The following SDK2 variants were observed in gnomAD, a reference collection of about 807,000 sequenced individuals.
The protein encoded by SDK2 is sidekick cell adhesion molecule 2, also known as protein sidekick-2.
Under a neutral mutation model 253.9 loss-of-function variants are expected in SDK2, and 105 were observed. The ratio of observed to expected loss-of-function variants is 0.41; its 90% CI spans 0.35 to 0.49. The LOEUF is 0.49. Among genes scored for constraint, SDK2 ranks in the 20% least tolerant of loss-of-function variants. The pLI, the probability that SDK2 is intolerant of heterozygous loss-of-function variation, is 0.06. For missense variants in SDK2, 2,608 were observed against 3,003.0 expected (o/e 0.87, Z 3.07); for synonymous variants, 1,249 against 1,234.9 (o/e 1.01, Z -0.24).
chr17:73,390,313 G>C lies in SDK2; in HGVS notation c.4166C>G (p.Ala1389Gly), dbSNP rs921787451. 6.5e-7 allele frequency: 1 copy of C among 1,527,048 alleles called. No homozygotes were observed. The highest frequency in any genetic ancestry group is 1.6e-5 in the African/African-American group (1 of 63,126). 94.6% of individuals were successfully genotyped at this position (1,527,048 alleles called of 1,614,324 possible). A position where few individuals can be genotyped will look rare whatever the true frequency, so the allele number is the denominator to read the frequency against. The change falls in exon 29 of 45, where the codon GCC (alanine) becomes GGC (glycine). Residue 1389 changes from alanine to glycine, a missense_variant. Physicochemically the swap from Ala to Gly is moderately conservative, Grantham distance 60. This residue lies in a region of SDK2 where 1,103 missense variants were observed against 1,143.9 expected (regional missense o/e 0.96). Transcript: ENST00000392650. Reference protein sequence around the residue: ...TRKGWGEAAEALVVTTEKRDR... With the variant: ...TRKGWGEAAEGLVVTTEKRDR... ...TCTCTTCTCGGTGGTCACCACCAAGGCCTCGGCAGCTTCTCCCCAGCCCTT... is the reference window on the plus strand; with the variant it reads ...TCTCTTCTCGGTGGTCACCACCAAGCCCTCGGCAGCTTCTCCCCAGCCCTT...
chr17:73,595,201 TGAGGAG>T (rs72207708), intron 1 of SDK2, among the ~76,000 whole-genome samples: 22 of 149,920 alleles, frequency 1.5e-4, no homozygotes, highest in Non-Finnish European at 2.5e-4. Flanking sequence ...TGGGTGAAGG[TGAGGAG>T]GAGGAGGAGG....
chr17:73,391,547 G>T lies in SDK2; in HGVS notation c.3899-9C>A. The T allele has an allele frequency of 2.3e-6, 3 of 1,283,916 alleles. No individual in the cohort carries two copies. The highest frequency in any genetic ancestry group is 3.0e-6 in the Non-Finnish European group (3 of 1,006,004). The allele number at this position is 1,283,916 out of a possible 1,614,324, so 79.5% of individuals were successfully genotyped here. ...CATGGGTGGTCCTGGGACTGGAGGG[G>T]GCAAAGGAGAGGAGGCCGACCCATG... On this transcript the variant is annotated splice_polypyrimidine_tract_variant and intron_variant, in intron 27 of 44. Transcript: ENST00000392650.
chr17:73,617,104 A>T (rs80113661), intron 1 of SDK2, among the ~76,000 whole-genome samples: 3,117 of 151,892 alleles, frequency 0.021, 111 homozygotes, highest in African/African-American at 0.072. Flanking sequence ...TGAGCAAAGA[A>T]GGTGAAGGGC....
intron 3 of SDK2, among the ~76,000 whole-genome samples, chr17:73,469,869 C>G (rs1421603606): frequency 1.3e-5 from 2 of 152,138 alleles, no homozygotes; most frequent in African/African-American, 4.8e-5. Context: ...ATCTCAGGGG[C>G]TCTCAACTCC....
In SDK2 at chr17:73,455,869, C is replaced by T. The variant is rs1300569561; in HGVS notation, c.479+37G>A. ...GCCCCAAACCTCCTCCCCCAGACAC[C>T]CCTCCCCTCCCCGTCCCCTCAGAGC... On this transcript the variant is annotated intron_variant, in intron 4 of 44. Transcript: ENST00000392650. The surrounding 1 kb of genome is among the most constrained non-coding windows in gnomAD (Gnocchi z 5.0). The T allele has an allele frequency of 1.3e-6, 2 of 1,512,460 alleles. No homozygotes were observed. Among genetic ancestry groups the T allele is most frequent in the African/African-American group, 1.4e-5 (1 of 72,250 alleles). 93.7% of individuals were successfully genotyped at this position (1,512,460 alleles called of 1,614,324 possible).
chr17:73,584,089 G>C (rs1199268950), intron 1 of SDK2, among the ~76,000 whole-genome samples: 3 of 152,230 alleles, frequency 2.0e-5, no homozygotes, highest in Non-Finnish European at 4.4e-5. Flanking sequence ...CGGACGGAGA[G>C]GGGAGAGCAT....
rs893940805 is a variant in SDK2 at position 73,414,767 on chromosome 17, A to T, written c.2369-8T>A. On this transcript the variant is annotated splice_region_variant and splice_polypyrimidine_tract_variant and intron_variant, in intron 17 of 44. Transcript: ENST00000392650. ...CCGGAGGGACCGTGGGAACTAGAGG[A>T]GATGAGAGAACGGGGTGGGGTGGAG... is the stretch of plus-strand genomic sequence containing the variant. The T allele has an allele frequency of 3.1e-6, 5 of 1,595,396 alleles. No homozygotes were observed. Among genetic ancestry groups the T allele is most frequent in the Admixed American group, 1.7e-5 (1 of 59,936 alleles).
At chr17:73,412,641 C>T (rs905059153) in intron 18 of SDK2, among the ~76,000 whole-genome samples, 7 of 152,038 alleles carry the variant, frequency 4.6e-5, no homozygotes, top group Admixed American at 1.3e-4. Flanking sequence ...TTAGGCCAGG[C>T]GCGGTGGCTC....
chr17:73,512,740 C>A (rs776874814), intron 1 of SDK2, among the ~76,000 whole-genome samples: 3 of 152,164 alleles, frequency 2.0e-5, no homozygotes, highest in South Asian at 2.1e-4. Flanking sequence ...GAAAACAGTG[C>A]CTTCTTGTAA....
At chr17:73,444,039 G>A (rs1451085137) in intron 5 of SDK2, among the ~76,000 whole-genome samples, 6 of 152,178 alleles carry the variant, frequency 3.9e-5, no homozygotes, top group Non-Finnish European at 7.4e-5. Flanking sequence ...CGGGAAGGGG[G>A]CAGCTAAGCT....
chr17:73,494,132 G>A (rs2063825661), intron 2 of SDK2, among the ~76,000 whole-genome samples: 1 of 152,202 alleles, frequency 6.6e-6, no homozygotes, highest in South Asian at 2.1e-4. Flanking sequence ...ATTGATGTTG[G>A]CACCTTTGCC....
In SDK2 at chr17:73,496,296, C is replaced by T. The variant is rs1011979444; in HGVS notation, c.224+11142G>A. ...ATTCCCATTTCCCAGACTAGGCAACCGAGGCAGGGATTAGGCAGTTTGCTC... is the reference window on the plus strand; with the variant it reads ...ATTCCCATTTCCCAGACTAGGCAACTGAGGCAGGGATTAGGCAGTTTGCTC... On this transcript the variant is annotated intron_variant, in intron 2 of 44. Transcript: ENST00000392650. The surrounding 1 kb of genome is among the most constrained non-coding windows in gnomAD (Gnocchi z 4.7). Among the ~76,000 whole-genome samples the T allele has an allele frequency of 2.6e-5, 4 of 152,138 alleles. No individual in the cohort carries two copies. The highest frequency in any genetic ancestry group is 4.4e-5 in the Non-Finnish European group (3 of 68,040).
In SDK2 at chr17:73,644,041, G is replaced by T; in HGVS notation, c.48C>A (p.Arg16=). 6.5e-7 allele frequency: 1 copy of T among 1,527,474 alleles called. No homozygotes were observed. The highest frequency in any genetic ancestry group is 1.8e-4 in the Middle Eastern group (1 of 5,700). 94.6% of individuals were successfully genotyped at this position (1,527,474 alleles called of 1,614,324 possible). A position where few individuals can be genotyped will look rare whatever the true frequency, so the allele number is the denominator to read the frequency against. The change falls in exon 1 of 45, where the codon CGC becomes CGA. Residue 16 remains arginine, a synonymous_variant. Transcript: ENST00000392650. This position sits in a 1 kb window ranked among gnomAD's most constrained non-coding sequence, Gnocchi z 6.3. ...IWTLLALHQI[R]AARAQDDVSP... ...CCTCCTTACCTTGGGCTCTGGCCGC[G>T]CGGATCTGATGCAGAGCTAGCAGTG...
rs541528366 is a variant in SDK2 at position 73,350,242 on chromosome 17, G to A, written c.6033C>T (p.Tyr2011=). Residue 2011 remains tyrosine (Y), a synonymous_variant, in exon 43 of 45, where the codon TAC becomes TAT. Transcript: ENST00000392650. The part of the protein sequence containing the change: ...KNSFCRKNGL[Y]TRSPPRPSPG... ...CCACGCAGAGGGCCCAGTACCTGGT[G>A]TACAGGCCGTTCTTTCGGCAGAAAG... 21 of 945,940 alleles carry A rather than the reference G, an allele frequency of 2.2e-5. No individual in the cohort carries two copies. In the East Asian group the frequency reaches 7.2e-4, roughly 32 times the overall value. 58.6% of individuals were successfully genotyped at this position (945,940 alleles called of 1,614,324 possible). A position where few individuals can be genotyped will look rare whatever the true frequency, so the allele number is the denominator to read the frequency against.
chr17:73,415,322 G>A (rs1039798178), intron 17 of SDK2, among the ~76,000 whole-genome samples: 2 of 151,754 alleles, frequency 1.3e-5, no homozygotes, highest in African/African-American at 4.8e-5. Flanking sequence ...GCTCCTCTGA[G>A]GCCATAGTCT....
At chr17:73,347,747 G>GT (rs546237148) in intron 44 of SDK2, among the ~76,000 whole-genome samples, 31 of 150,442 alleles carry the variant, frequency 2.1e-4, no homozygotes, top group Non-Finnish European at 3.5e-4. Flanking sequence ...GTGGGAAGCT[G>GT]TAAGGCTGCA....
At chr17:73,479,687 T>G (rs1298127436) in intron 2 of SDK2, among the ~76,000 whole-genome samples, 2 of 152,226 alleles carry the variant, frequency 1.3e-5, no homozygotes, top group African/African-American at 4.8e-5. Flanking sequence ...TTTTTAAGTC[T>G]TATTTTTATT....
At chr17:73,382,083 G>A (rs2062836020) in intron 33 of SDK2, among the ~76,000 whole-genome samples, 1 of 152,138 alleles carries the variant, frequency 6.6e-6, no homozygotes, top group South Asian at 2.1e-4. Flanking sequence ...GGGCGTGGTA[G>A]TGTGCGCCGT....
At chr17:73,610,079 C>T (rs1003050675) in intron 1 of SDK2, among the ~76,000 whole-genome samples, 4 of 152,206 alleles carry the variant, frequency 2.6e-5, no homozygotes, top group East Asian at 1.9e-4. Context: ...CGTCTTTCTC[C>T]TCCACGTCCC....
Sources: gnomAD v4.1 joint callset for allele counts (sites outside exome capture counted in the v4.1 genomes callset) on GRCh38, gnomAD v4.1.1 for gene constraint, gnomAD v4.1.1 regional missense constraint, Gnocchi (gnomAD v3.1) non-coding constraint, MANE v1.5 for transcripts, NCBI Gene and HGNC (gene_info 2026-07-23, HGNC 2026-07-21) for gene names.